The following ZNF521 variants were observed in gnomAD, a reference collection of about 807,000 sequenced individuals.
ZNF521 encodes the protein zinc finger protein 521, also known as LYST-interacting protein 3.
A neutral mutation model predicts 105.5 loss-of-function variants in ZNF521; 14 were observed. The ratio of observed to expected loss-of-function variants is 0.13; its 90% CI spans 0.09 to 0.21. The LOEUF (loss-of-function observed/expected upper bound fraction) is 0.21, where lower values mean the gene tolerates loss of function less well. Among genes scored for constraint, ZNF521 ranks in the 10% least tolerant of loss-of-function variants. The probability of loss-of-function intolerance (pLI) is 1.00; values close to 1 mark genes in which losing one functional copy is unlikely to be tolerated. For synonymous variants in ZNF521, 635 were observed against 606.0 expected (o/e 1.05, Z -0.70); for missense variants, 1,233 against 1,629.7 (o/e 0.76, Z 4.19).
intron 2 of ZNF521, among the ~76,000 whole-genome samples, chr18:25,331,514 A>G (rs73947311): frequency 0.03 from 4,559 of 152,272 alleles, 225 homozygotes; most frequent in African/African-American, 0.1. Flanking sequence ...TTTACTAAAT[A>G]AGTCTATGTA....
intron 3 of ZNF521, among the ~76,000 whole-genome samples, chr18:25,316,031 A>G (rs1912588764): frequency 6.6e-6 from 1 of 152,242 alleles, no homozygotes; most frequent in African/African-American, 2.4e-5. Flanking sequence ...CACACTGCTC[A>G]GGATTCCCTC....
intron 3 of ZNF521, among the ~76,000 whole-genome samples, chr18:25,253,110 C>T (rs2144856497): frequency 6.6e-6 from 1 of 152,080 alleles, no homozygotes; most frequent in East Asian, 1.9e-4. Flanking sequence ...GCTGACATGC[C>T]ATTTTATTAT....
chr18:25,140,757 G>A (rs1015278413), intron 5 of ZNF521, among the ~76,000 whole-genome samples: 1 of 152,134 alleles, frequency 6.6e-6, no homozygotes, highest in Non-Finnish European at 1.5e-5. Flanking sequence ...CATTTGTATT[G>A]GTCCTGTTAC....
At chr18:25,109,064 T>G (rs139699731) in intron 5 of ZNF521, among the ~76,000 whole-genome samples, 1 of 152,200 alleles carries the variant, frequency 6.6e-6, no homozygotes, top group Admixed American at 6.5e-5. Context: ...ATCACCCAAA[T>G]AGTGAACACT....
intron 5 of ZNF521, among the ~76,000 whole-genome samples, chr18:25,176,338 T>C (rs1181714507): frequency 6.6e-6 from 1 of 152,234 alleles, no homozygotes; most frequent in Non-Finnish European, 1.5e-5. Context: ...AGCGCTCTAA[T>C]TAAGATGTAT....
At chr18:25,083,303 A>G (rs1224393963) in intron 7 of ZNF521, among the ~76,000 whole-genome samples, 1 of 152,222 alleles carries the variant, frequency 6.6e-6, no homozygotes, top group East Asian at 1.9e-4. Context: ...ATTAACATGA[A>G]ACCATGTCCA....
chr18:25,179,027 T>C (rs1379823056), intron 5 of ZNF521, among the ~76,000 whole-genome samples: 9 of 151,306 alleles, frequency 5.9e-5, no homozygotes, highest in Non-Finnish European at 8.8e-5. Context: ...GGAGAATCAA[T>C]GCTTGACACC....
intron 5 of ZNF521, among the ~76,000 whole-genome samples, chr18:25,175,735 T>A (rs749788272): frequency 9.8e-5 from 15 of 152,348 alleles, no homozygotes; most frequent in Admixed American, 2.0e-4. Flanking sequence ...TTGAGCATAC[T>A]GTCACACAAT....
chr18:25,119,172 G>A (rs1397550063), intron 5 of ZNF521, among the ~76,000 whole-genome samples: 3 of 152,032 alleles, frequency 2.0e-5, no homozygotes, highest in Admixed American at 6.6e-5. Context: ...ATATTTGAAC[G>A]TCTCTTAGCA....
At chr18:25,319,778 T>A (rs1328599846) in intron 3 of ZNF521, among the ~76,000 whole-genome samples, 1 of 152,144 alleles carries the variant, frequency 6.6e-6, no homozygotes, top group Non-Finnish European at 1.5e-5. Flanking sequence ...AACATCAACA[T>A]GGTAACAAAC....
chr18:25,277,643 T>C (rs1015171053), intron 3 of ZNF521, among the ~76,000 whole-genome samples: 2 of 152,190 alleles, frequency 1.3e-5, no homozygotes, highest in Admixed American at 1.3e-4. Flanking sequence ...AAAAGAAAAT[T>C]AGCATTTCAC....
chr18:25,169,776 G>C (rs2035414546), intron 5 of ZNF521, among the ~76,000 whole-genome samples: 1 of 152,136 alleles, frequency 6.6e-6, no homozygotes, highest in African/African-American at 2.4e-5. Context: ...TATGTTTAAG[G>C]TAACTGGATT....
At chr18:25,134,650 A>T (rs543925789) in intron 5 of ZNF521, among the ~76,000 whole-genome samples, 1 of 152,194 alleles carries the variant, frequency 6.6e-6, no homozygotes, top group East Asian at 1.9e-4. Flanking sequence ...CAGCGGTTGC[A>T]GCTTTTCACT....
intron 3 of ZNF521, among the ~76,000 whole-genome samples, chr18:25,312,156 C>A (rs956795079): frequency 1.3e-5 from 2 of 151,974 alleles, no homozygotes; most frequent in African/African-American, 4.8e-5. Flanking sequence ...TCTTATATTA[C>A]CCTTTCAAGA....
intron 2 of ZNF521, among the ~76,000 whole-genome samples, chr18:25,325,268 T>C (rs529099661): frequency 1.3e-5 from 2 of 152,202 alleles, no homozygotes; most frequent in South Asian, 2.1e-4. Flanking sequence ...TGTAGGAAGA[T>C]TCTAGAAAGC....
intron 5 of ZNF521, 149 bp downstream of exon 5, chr18:25,195,011 G>A (rs1568003914): frequency 1.6e-6 from 1 of 621,504 alleles, no homozygotes; most frequent in Non-Finnish European, 2.7e-6. Flanking sequence ...ACCTTATCAG[G>A]ACTAATAACA....
At chr18:25,347,192 T>C (rs530094374) in intron 2 of ZNF521, among the ~76,000 whole-genome samples, 1 of 152,326 alleles carries the variant, frequency 6.6e-6, no homozygotes, top group East Asian at 1.9e-4. Flanking sequence ...TCTACTCAAG[T>C]ACCATGTCTA....
At chr18:25,163,657 G>GTAAAC (rs2035288248) in intron 5 of ZNF521, among the ~76,000 whole-genome samples, 1 of 152,166 alleles carries the variant, frequency 6.6e-6, no homozygotes, top group African/African-American at 2.4e-5. Flanking sequence ...ATGGCTAAAG[G>GTAAAC]TAAACTGCCT....
chr18:25,114,312 C>A (rs2034260528), intron 5 of ZNF521, among the ~76,000 whole-genome samples: 2 of 152,090 alleles, frequency 1.3e-5, no homozygotes, highest in Admixed American at 1.3e-4. Context: ...ATTTTTATAC[C>A]AAGAGATTAC....
Sources: gnomAD v4.1 joint callset for allele counts (sites outside exome capture counted in the v4.1 genomes callset) on GRCh38, gnomAD v4.1.1 for gene constraint, MANE v1.5 for transcripts, NCBI Gene and HGNC (gene_info 2026-07-23, HGNC 2026-07-21) for gene names.